The following ASIC2 variants were observed in gnomAD, a reference collection of about 807,000 sequenced individuals.
ASIC2 encodes the protein acid-sensing ion channel 2.
In ASIC2, 25 loss-of-function variants were observed where a neutral mutation model predicts 57.3. The observed-to-expected ratio is 0.44, with a 90% CI of 0.32 to 0.61. ASIC2 has a LOEUF of 0.61. Among genes scored for constraint, ASIC2 ranks in the 20% least tolerant of loss-of-function variants. The pLI, the probability that ASIC2 is intolerant of heterozygous loss-of-function variation, is 0.06. For synonymous variants in ASIC2, 319 were observed against 307.5 expected, an observed-to-expected ratio of 1.04 and a Z score of -0.39; for missense variants, 641 against 738.1, an observed-to-expected ratio of 0.87 and a Z score of 1.52.
chr17:33,825,418 C>T (rs1912876089), intron 1 of ASIC2, among the ~76,000 whole-genome samples: 1 of 152,300 alleles, frequency 6.6e-6, no homozygotes, highest in South Asian at 2.1e-4. Context: ...GAGACAGAGT[C>T]CTGTGACACA....
intron 1 of ASIC2, among the ~76,000 whole-genome samples, chr17:34,014,020 T>A (rs2142023742): frequency 6.6e-6 from 1 of 151,622 alleles, no homozygotes; most frequent in African/African-American, 2.4e-5. Flanking sequence ...GAGGGGAGAG[T>A]CAACTTGGTA....
intron 1 of ASIC2, among the ~76,000 whole-genome samples, chr17:33,478,384 G>A (rs1477090908): frequency 2.6e-5 from 4 of 152,306 alleles, no homozygotes; most frequent in African/African-American, 9.6e-5. Context: ...ACGAACTACC[G>A]TTCTTGGTCT....
intron 1 of ASIC2, among the ~76,000 whole-genome samples, chr17:33,578,078 T>A (rs1916694677): frequency 6.6e-6 from 1 of 152,206 alleles, no homozygotes; most frequent in South Asian, 2.1e-4. Flanking sequence ...GGAACATACT[T>A]CCCGTCTCCT....
At chr17:33,507,180 C>T (rs1914289509) in intron 1 of ASIC2, among the ~76,000 whole-genome samples, 1 of 152,198 alleles carries the variant, frequency 6.6e-6, no homozygotes. Context: ...GAAAACAGCT[C>T]TGTTTACAAT....
chr17:33,557,475 G>A (rs182844324), intron 1 of ASIC2, among the ~76,000 whole-genome samples: 59 of 152,320 alleles, frequency 3.9e-4, no homozygotes, highest in African/African-American at 1.4e-3. Flanking sequence ...GTCTAGGCGT[G>A]TAAGTAGATG....
At chr17:34,024,433 T>A (rs1255654988) in intron 1 of ASIC2, among the ~76,000 whole-genome samples, 1 of 152,216 alleles carries the variant, frequency 6.6e-6, no homozygotes, top group Non-Finnish European at 1.5e-5. Context: ...AGGCAAACCA[T>A]GCACTGGGCG....
intron 1 of ASIC2, among the ~76,000 whole-genome samples, chr17:33,766,141 A>G (rs1910927719): frequency 1.3e-5 from 2 of 152,184 alleles, no homozygotes; most frequent in African/African-American, 4.8e-5. Context: ...GTACAATGAG[A>G]TATTTTGAGA....
intron 1 of ASIC2, among the ~76,000 whole-genome samples, chr17:33,969,732 G>A (rs1001065069): frequency 2.0e-5 from 3 of 152,110 alleles, no homozygotes; most frequent in Non-Finnish European, 4.4e-5. Context: ...AGGAACTCCA[G>A]GGCACTTCTG....
At chr17:33,048,738 T>C (rs2091964536) in intron 3 of ASIC2, among the ~76,000 whole-genome samples, 1 of 152,166 alleles carries the variant, frequency 6.6e-6, no homozygotes, top group Admixed American at 6.5e-5. Context: ...CTGGGTCCTG[T>C]GGGCCCATCC....
Position 33,048,527 on chromosome 17 carries a change from A to T in ASIC2, c.988-20135T>A, listed in dbSNP as rs9893724. Among the ~76,000 whole-genome samples, 786 of 152,344 alleles carry T rather than the reference A, an allele frequency of 5.2e-3. 5 individuals carry two copies. The highest frequency in any genetic ancestry group is 0.017 in the African/African-American group (716 of 41,572). On this transcript the variant is annotated intron_variant, in intron 3 of 9. Coordinates refer to ENST00000225823, the MANE Select transcript of ASIC2 (RefSeq NM_183377.2). Reference sequence around the variant, plus strand: ...TCCAGGTAAGGGGCTTAATTTCTGGATGGGCCTTGTATGTCCTAATGCATG... The same window carrying T: ...TCCAGGTAAGGGGCTTAATTTCTGGTTGGGCCTTGTATGTCCTAATGCATG...
intron 1 of ASIC2, among the ~76,000 whole-genome samples, chr17:33,158,777 T>C (rs115896362): frequency 6.6e-6 from 1 of 152,246 alleles, no homozygotes; most frequent in Non-Finnish European, 1.5e-5. Context: ...TATGGCATCA[T>C]GAAGATTCCA....
Position 34,021,911 on chromosome 17 carries a change from C to T in ASIC2, c.555+134067G>A, listed in dbSNP as rs534652479. Among the ~76,000 whole-genome samples the T allele has an allele frequency of 6.8e-5, 10 of 146,882 alleles. No homozygotes were observed. The East Asian group carries it at 1.6e-3, about 24-fold the overall frequency. Reference sequence around the variant, plus strand: ...GGAGTGCAGTGGTGCAATCTCGGCTCACTGCAAACTCCACCTCCTGGGCTC... The same window carrying T: ...GGAGTGCAGTGGTGCAATCTCGGCTTACTGCAAACTCCACCTCCTGGGCTC... On this transcript the variant is annotated intron_variant, in intron 1 of 9. Coordinates refer to the ASIC2 transcript ENST00000359872.
rs114047802 is a variant in ASIC2 at position 33,413,519 on chromosome 17, G to A, written c.556-301452C>T. Among the ~76,000 whole-genome samples, 456 of 152,318 alleles carry A rather than the reference G, an allele frequency of 3.0e-3. 2 individuals are homozygous for A. Among genetic ancestry groups the A allele is most frequent in the African/African-American group, 0.01 (433 of 41,560 alleles). On this transcript the variant is annotated intron_variant, in intron 1 of 9. Transcript: ENST00000359872. The stretch of plus-strand genomic sequence containing the variant: ...TCCAAGCCACTGCCGTTTCTCACCA[G>A]GACTACGCTGATAGCCTCCTGCCTG...
chr17:33,710,001 C>T (rs1231340408), intron 1 of ASIC2, among the ~76,000 whole-genome samples: 1 of 152,180 alleles, frequency 6.6e-6, no homozygotes, highest in Non-Finnish European at 1.5e-5. Flanking sequence ...TGTTCCACTT[C>T]CCTAACATCT....
chr17:33,076,257 C>G (rs1262822083), intron 3 of ASIC2, among the ~76,000 whole-genome samples: 1 of 152,120 alleles, frequency 6.6e-6, no homozygotes, highest in African/African-American at 2.4e-5. Flanking sequence ...GTGCTAGGAG[C>G]AGAAGTAGGG....
At chr17:33,550,891 G>A (rs1426189459) in intron 1 of ASIC2, among the ~76,000 whole-genome samples, 1 of 152,152 alleles carries the variant, frequency 6.6e-6, no homozygotes, top group African/African-American at 2.4e-5. Context: ...TTTTAGGTAG[G>A]AAACAGCTTT....
At chr17:33,271,425 A>G (rs1325271376) in intron 1 of ASIC2, among the ~76,000 whole-genome samples, 1 of 152,184 alleles carries the variant, frequency 6.6e-6, no homozygotes, top group Non-Finnish European at 1.5e-5. Context: ...TAGGATACCC[A>G]ATAGTTACTT....
chr17:33,555,175 T>C (rs1262663494), intron 1 of ASIC2, among the ~76,000 whole-genome samples: 2 of 152,186 alleles, frequency 1.3e-5, no homozygotes, highest in African/African-American at 2.4e-5. Context: ...GGTCCGTGGC[T>C]ACCTAACCTA....
chr17:33,798,495 C>T (rs190143412), intron 1 of ASIC2, among the ~76,000 whole-genome samples: 32 of 152,248 alleles, frequency 2.1e-4, no homozygotes, highest in African/African-American at 6.0e-4. Flanking sequence ...AGCCATCAAG[C>T]GAATGAGACT....
Sources: gnomAD v4.1 joint callset for allele counts (sites outside exome capture counted in the v4.1 genomes callset) on GRCh38, gnomAD v4.1.1 for gene constraint, MANE v1.5 for transcripts, NCBI Gene and HGNC (gene_info 2026-07-23, HGNC 2026-07-21) for gene names.